Variants in ZNF365 observed in about 807,000 individuals in gnomAD.
The protein encoded by ZNF365 is zinc finger protein 365.
Under a neutral mutation model 35.0 loss-of-function variants are expected in ZNF365, and 22 were observed. The observed-to-expected ratio is 0.63, with a 90% confidence interval of 0.45 to 0.90. The LOEUF is 0.90. Among genes scored for constraint, ZNF365 ranks in the 40% least tolerant of loss-of-function variants. The probability of loss-of-function intolerance (pLI) is 0.00; values close to 1 mark genes in which losing one functional copy is unlikely to be tolerated. For synonymous variants in ZNF365, 188 were observed against 196.2 expected, an observed-to-expected ratio of 0.96 and a Z score of 0.35; for missense variants, 448 against 500.3, an observed-to-expected ratio of 0.90 and a Z score of 1.00.
At chr10:62,420,903 C>T (rs1475549026) in intron 3 of ZNF365, among the ~76,000 whole-genome samples, 9 of 151,856 alleles carry the variant, frequency 5.9e-5, no homozygotes, top group Admixed American at 6.6e-5. Flanking sequence ...CCACCTCAGC[C>T]TCCTGAGTAG....
intron 3 of ZNF365, among the ~76,000 whole-genome samples, chr10:62,415,287 T>C (rs1428335402): frequency 6.6e-6 from 1 of 152,184 alleles, no homozygotes; most frequent in Non-Finnish European, 1.5e-5. Context: ...GATGACTTTT[T>C]CTTTCTCCCC....
At chr10:62,388,340 G>A in intron 2 of ZNF365, 56 bp from the exon 3 acceptor site, 1 of 1,601,502 alleles carries the variant, frequency 6.2e-7, no homozygotes. Flanking sequence ...TGTGTTGAAT[G>A]AGTGAATTCC....
At chr10:62,413,502 T>TGA (rs2132441373) in intron 3 of ZNF365, among the ~76,000 whole-genome samples, 1 of 152,272 alleles carries the variant, frequency 6.6e-6, no homozygotes, top group Admixed American at 6.5e-5. Flanking sequence ...ATACAATCAC[T>TGA]GAGCACCCCT....
chr10:62,473,948 C>A (rs1470764613), intron 4 of ZNF365, among the ~76,000 whole-genome samples: 2 of 152,178 alleles, frequency 1.3e-5, no homozygotes, highest in Non-Finnish European at 2.9e-5. Context: ...GGCACCCCAG[C>A]ATGTTGGCTT....
chr10:62,479,786 G>C, intron 4 of ZNF365: 1 of 909,746 alleles, frequency 1.1e-6, no homozygotes, highest in African/African-American at 1.6e-5. Context: ...CAGGACCCAT[G>C]GTTGAAACCA....
chr10:62,378,010 G>T (rs1839365186), intron 2 of ZNF365, among the ~76,000 whole-genome samples: 1 of 152,202 alleles, frequency 6.6e-6, no homozygotes, highest in African/African-American at 2.4e-5. Context: ...TCACTTAAAT[G>T]CTTACGTTCT....
chr10:62,432,765 C>A (rs1840353342), intron 3 of ZNF365, among the ~76,000 whole-genome samples: 1 of 151,966 alleles, frequency 6.6e-6, no homozygotes, highest in Non-Finnish European at 1.5e-5. Context: ...TTGCAAGAGC[C>A]AATTAGGATA....
chr10:62,410,356 A>G (rs1265996578), intron 3 of ZNF365, among the ~76,000 whole-genome samples: 2 of 152,034 alleles, frequency 1.3e-5, no homozygotes, highest in Non-Finnish European at 2.9e-5. Flanking sequence ...TGTATAGAGG[A>G]ATCTCTCTCT....
intron 3 of ZNF365, among the ~76,000 whole-genome samples, chr10:62,450,792 G>A (rs1019258720): frequency 3.3e-5 from 5 of 152,216 alleles, no homozygotes; most frequent in African/African-American, 1.2e-4. Flanking sequence ...TAATTTAAAA[G>A]TGTGTGTTTT....
intron 3 of ZNF365, among the ~76,000 whole-genome samples, chr10:62,414,484 G>A (rs554179761): frequency 9.3e-4 from 142 of 152,172 alleles, no homozygotes; most frequent in African/African-American, 3.2e-3. Context: ...GCTGGCAAGT[G>A]TGAGCCACTG....
At chr10:62,468,695 G>A (rs56325535) in intron 4 of ZNF365, among the ~76,000 whole-genome samples, 4 of 152,268 alleles carry the variant, frequency 2.6e-5, no homozygotes, top group African/African-American at 9.6e-5. Flanking sequence ...TTCAGCGGCA[G>A]ACCATCCACA....
At chr10:62,420,008 T>A (rs1378453863) in intron 3 of ZNF365, among the ~76,000 whole-genome samples, 1 of 152,150 alleles carries the variant, frequency 6.6e-6, no homozygotes, top group African/African-American at 2.4e-5. Context: ...GTTTTCTCCT[T>A]TATTGAATGA....
At chr10:62,435,678 C>T (rs1840395880) in intron 3 of ZNF365, among the ~76,000 whole-genome samples, 1 of 152,214 alleles carries the variant, frequency 6.6e-6, no homozygotes. Context: ...TCCCAATTCT[C>T]ATCCATTCTT....
chr10:62,459,406 G>T (rs767898944), intron 3 of ZNF365, among the ~76,000 whole-genome samples: 1 of 152,186 alleles, frequency 6.6e-6, no homozygotes, highest in Non-Finnish European at 1.5e-5. Flanking sequence ...GATCATCAGG[G>T]GGAGACGATG....
At chr10:62,403,559 G>A (rs1839863334), downstream of ZNF365, among the ~76,000 whole-genome samples, 2 of 152,208 alleles carry the variant, frequency 1.3e-5, no homozygotes, top group Admixed American at 6.5e-5. Flanking sequence ...TCAGGAGGCT[G>A]AGGCAGGAGA....
exon 4 of ZNF365, chr10:62,459,789 G>A (rs781188479): frequency 1.0e-5 from 16 of 1,595,826 alleles, no homozygotes; most frequent in Non-Finnish European, 1.7e-6. Flanking sequence ...AAATGACCTG[G>A]AATTGGAGGT....
At position 62,401,493 on chromosome 10, in the gene ZNF365, G is replaced by A. The variant is rs1451136818; in HGVS notation, c.*1704G>A. On this transcript the variant is annotated 3_prime_UTR_variant, in exon 5 of 5. Transcript: ENST00000395254. ...ACTTTGACTTTCAGTTTATGGGGGG[G>A]GTAGATCATTCATGTGATATATAAG... The A allele has an allele frequency of 4.7e-5, 46 of 985,216 alleles. No individual in the cohort carries two copies. The highest frequency in any genetic ancestry group is 5.5e-5 in the Non-Finnish European group (46 of 829,882). The allele number at this position is 985,216 out of a possible 1,614,324, so 61.0% of individuals were successfully genotyped here.
At chr10:62,398,082 A>C (rs1839761696) in intron 3 of ZNF365, among the ~76,000 whole-genome samples, 1 of 152,190 alleles carries the variant, frequency 6.6e-6, no homozygotes, top group African/African-American at 2.4e-5. Flanking sequence ...TCGATCCAGC[A>C]ATCCCTCTAC....
At chr10:62,441,585 C>T (rs565507061) in intron 3 of ZNF365, among the ~76,000 whole-genome samples, 5 of 152,158 alleles carry the variant, frequency 3.3e-5, no homozygotes, top group African/African-American at 1.2e-4. Context: ...GATGCAAGGG[C>T]CTGGTAATAC....
Sources: allele counts gnomAD v4.1 joint callset (sites outside exome capture counted in the v4.1 genomes callset), GRCh38; gene constraint gnomAD v4.1.1; transcripts MANE v1.5; gene names NCBI Gene and HGNC (gene_info 2026-07-23, HGNC 2026-07-21).